Variants in PSMA1 observed in about 807,000 individuals in gnomAD.
PSMA1 encodes the protein proteasome subunit alpha type-1.
A neutral mutation model predicts 38.4 loss-of-function variants in PSMA1; 3 were observed. The observed-to-expected ratio is 0.08, with a 90% CI of 0.04 to 0.20. PSMA1 has a LOEUF of 0.20. Among genes scored for constraint, PSMA1 ranks in the 10% least tolerant of loss-of-function variants. The pLI, the probability that PSMA1 is intolerant of heterozygous loss-of-function variation, is 1.00. For missense variants in PSMA1, 227 were observed against 325.3 expected (o/e 0.70, Z 2.32); for synonymous variants, 101 against 107.1 (o/e 0.94, Z 0.35).
chr11:14,585,268 C>G (rs1440908645), intron 2 of PSMA1, among the ~76,000 whole-genome samples: 1 of 152,086 alleles, frequency 6.6e-6, no homozygotes, highest in Non-Finnish European at 1.5e-5. Context: ...TGCTTCCCTT[C>G]TTTCTGAACA....
At position 14,534,968 on chromosome 11, in the gene PSMA1, G is replaced by A. The variant is rs1389095690; in HGVS notation, c.22-15927C>T. ...AGACGCCTGTAATCCCAGCTACTCGGGAGGCTGAGGCAGGAGAATTGCTTG... is the reference window on the plus strand; with the variant it reads ...AGACGCCTGTAATCCCAGCTACTCGAGAGGCTGAGGCAGGAGAATTGCTTG... On this transcript the variant is annotated intron_variant, in intron 2 of 10. Coordinates refer to the PSMA1 transcript ENST00000418988. The surrounding 1 kb of genome is among the most constrained non-coding windows in gnomAD (Gnocchi z 4.5). Among the ~76,000 whole-genome samples the A allele has an allele frequency of 6.6e-6, 1 of 152,126 alleles. No individual in the cohort carries two copies. Among genetic ancestry groups the A allele is most frequent in the Non-Finnish European group, 1.5e-5 (1 of 68,028 alleles).
intron 2 of PSMA1, among the ~76,000 whole-genome samples, chr11:14,528,785 G>T (rs548558385): frequency 6.6e-6 from 1 of 152,010 alleles, no homozygotes; most frequent in Non-Finnish European, 1.5e-5. Context: ...CAACCTAACT[G>T]ATCAATGTAC....
chr11:14,626,388 C>T (rs747493268), intron 1 of PSMA1, among the ~76,000 whole-genome samples: 1 of 152,178 alleles, frequency 6.6e-6, no homozygotes, highest in Non-Finnish European at 1.5e-5. Context: ...CTTATCTATG[C>T]TATTACCGTT....
At chr11:14,611,613 A>T (rs1431478170) in intron 1 of PSMA1, among the ~76,000 whole-genome samples, 1 of 152,190 alleles carries the variant, frequency 6.6e-6, no homozygotes, top group Non-Finnish European at 1.5e-5. Flanking sequence ...TGTCTCCGAT[A>T]TGGAACCGGC....
At chr11:14,532,752 A>G (rs953160510) in intron 2 of PSMA1, among the ~76,000 whole-genome samples, 1 of 151,734 alleles carries the variant, frequency 6.6e-6, no homozygotes, top group African/African-American at 2.4e-5. Context: ...GTTGGAGACC[A>G]CCTTGACCAA....
At chr11:14,618,651 G>A (rs1274331450) in intron 1 of PSMA1, among the ~76,000 whole-genome samples, 1 of 152,148 alleles carries the variant, frequency 6.6e-6, no homozygotes, top group African/African-American at 2.4e-5. Context: ...AACTCCTACT[G>A]CATTACATTA....
upstream of PSMA1, among the ~76,000 whole-genome samples, chr11:14,524,583 C>T (rs576975517): frequency 1.1e-4 from 17 of 152,298 alleles, no homozygotes; most frequent in East Asian, 3.9e-4. Flanking sequence ...ATCCACCACC[C>T]GTTGCTGACT....
At chr11:14,600,013 C>G (rs1269575875) in intron 2 of PSMA1, among the ~76,000 whole-genome samples, 4 of 152,156 alleles carry the variant, frequency 2.6e-5, no homozygotes, top group Admixed American at 6.5e-5. Context: ...AGCTGCAGGT[C>G]TGTTGGAGTT....
chr11:14,532,718 C>T (rs1423554686), intron 2 of PSMA1, among the ~76,000 whole-genome samples: 4 of 151,754 alleles, frequency 2.6e-5, no homozygotes, highest in Admixed American at 6.6e-5. Flanking sequence ...GAGGCCAAGG[C>T]GGGCAGACCA....
At chr11:14,579,818 T>C (rs1412697734) in intron 2 of PSMA1, among the ~76,000 whole-genome samples, 1 of 152,158 alleles carries the variant, frequency 6.6e-6, no homozygotes, top group Non-Finnish European at 1.5e-5. Context: ...ACTTTGAAAA[T>C]GCCCTCCAAG....
intron 1 of PSMA1, among the ~76,000 whole-genome samples, chr11:14,620,770 T>C (rs1267907856): frequency 6.6e-6 from 1 of 152,200 alleles, no homozygotes; most frequent in East Asian, 1.9e-4. Context: ...AACAACCCAC[T>C]TCCTAGCTTT....
intron 2 of PSMA1, among the ~76,000 whole-genome samples, chr11:14,595,836 G>T (rs886782201): frequency 7.9e-5 from 12 of 152,194 alleles, no homozygotes; most frequent in African/African-American, 1.4e-4. Flanking sequence ...GTCCTGAATG[G>T]TATTGCCTAG....
chr11:14,567,296 T>C (rs2134176105), intron 2 of PSMA1, among the ~76,000 whole-genome samples: 1 of 152,304 alleles, frequency 6.6e-6, no homozygotes, highest in South Asian at 2.1e-4. Context: ...TTAGCTAGTG[T>C]GAGTAGTTTT....
Position 14,584,511 on chromosome 11 carries a change from T to TG in PSMA1, c.21+26454_21+26455insC, listed in dbSNP as rs1443881275. The stretch of plus-strand genomic sequence containing the variant: ...GGAGTGTTTTTTTTGTTTTTTGTTT[T>TG]TTTTTTTTTTTTTTTTAAAGACTGT... On this transcript the variant is annotated intron_variant, in intron 2 of 10. Coordinates refer to the PSMA1 transcript ENST00000418988. Among the ~76,000 whole-genome samples the TG allele has an allele frequency of 3.3e-3, 479 of 144,718 alleles. 6 individuals are homozygous for TG. The South Asian group carries it at 0.045, about 13-fold the overall frequency. 94.9% of individuals were successfully genotyped at this position (144,718 alleles called of 152,430 possible).
intron 2 of PSMA1, among the ~76,000 whole-genome samples, chr11:14,605,743 T>A (rs1307706219): frequency 6.6e-6 from 1 of 152,236 alleles, no homozygotes; most frequent in Non-Finnish European, 1.5e-5. Flanking sequence ...ATTGTTTAAG[T>A]TCCACATAGA....
intron 7 of PSMA1, among the ~76,000 whole-genome samples, chr11:14,511,576 G>C (rs1326559672): frequency 1.3e-5 from 2 of 152,080 alleles, no homozygotes; most frequent in East Asian, 3.9e-4. Context: ...CCCAAGAGAT[G>C]CATAAAAAGC....
At chr11:14,575,404 C>T (rs1404820366) in intron 2 of PSMA1, among the ~76,000 whole-genome samples, 1 of 151,288 alleles carries the variant, frequency 6.6e-6, no homozygotes, top group East Asian at 1.9e-4. Context: ...TGCTATCCCT[C>T]CCCCCTACCC....
rs1251327619 is a variant in PSMA1 at position 14,587,311 on chromosome 11, G to GC, written c.21+23654dup. Among the ~76,000 whole-genome samples, 4 of 152,290 alleles carry GC rather than the reference G, an allele frequency of 2.6e-5. No individual in the cohort carries two copies. In the East Asian group the frequency reaches 5.8e-4, roughly 22 times the overall value. On this transcript the variant is annotated intron_variant, in intron 2 of 10. Transcript: ENST00000418988. The stretch of plus-strand genomic sequence containing the variant: ...TGTTCCCTGTGTCCTTTGGAATCTG[G>GC]CGGTGTCCCTCTGGACAGCCTCTCC...
At chr11:14,505,436 A>G (rs1027033154) in intron 9 of PSMA1, among the ~76,000 whole-genome samples, 188 bp from the exon 10 acceptor site, 3 of 152,012 alleles carry the variant, frequency 2.0e-5, no homozygotes, top group Non-Finnish European at 4.4e-5. Flanking sequence ...AGTGCTCATG[A>G]TTTGAGGGAA....
Sources: gnomAD v4.1 joint callset for allele counts (sites outside exome capture counted in the v4.1 genomes callset) on GRCh38, gnomAD v4.1.1 for gene constraint, Gnocchi (gnomAD v3.1) non-coding constraint, MANE v1.5 for transcripts, NCBI Gene and HGNC (gene_info 2026-07-23, HGNC 2026-07-21) for gene names.